BMX: variants seen among roughly 807,000 people sequenced by gnomAD.
The protein encoded by BMX is BMX non-receptor tyrosine kinase, also known as cytoplasmic tyrosine-protein kinase BMX.
In BMX, 31 loss-of-function variants were observed where a neutral mutation model predicts 59.2. That is an observed-to-expected ratio of 0.52 (90% CI 0.39 to 0.71). The LOEUF (loss-of-function observed/expected upper bound fraction) is 0.71. BMX is among the 30% of genes least tolerant of loss of function. The pLI, the probability that BMX is intolerant of heterozygous loss-of-function variation, is 0.00. For missense variants in BMX, 474 were observed against 491.7 expected (o/e 0.96, Z 0.34); for synonymous variants, 185 against 181.0 (o/e 1.02, Z -0.18).
chrX:15,549,065 T>C (rs1451894492), intron 17 of BMX, among the ~76,000 whole-genome samples: 1 of 111,356 alleles, frequency 9.0e-6, no homozygotes, highest in Non-Finnish European at 1.9e-5. Flanking sequence ...GAGAAACTTA[T>C]CCCACCTGTA....
intron 11 of BMX, among the ~76,000 whole-genome samples, chrX:15,533,573 C>A (rs1444952234): frequency 1.8e-5 from 2 of 112,430 alleles, no homozygotes; most frequent in Non-Finnish European, 3.8e-5. Context: ...GGTTCTTGAC[C>A]ACTATGTCAT....
chrX:15,548,398 A>G (rs1293788446), intron 17 of BMX, among the ~76,000 whole-genome samples: 1 of 111,475 alleles, frequency 9.0e-6, no homozygotes, highest in Non-Finnish European at 1.9e-5. Flanking sequence ...CAGAGTTTAC[A>G]GTGAGCTGAG....
chrX:15,521,376 A>T (rs1449991795), intron 6 of BMX, among the ~76,000 whole-genome samples: 1 of 112,141 alleles, frequency 8.9e-6, no homozygotes, highest in Non-Finnish European at 1.9e-5. Flanking sequence ...GTATGTGATT[A>T]TATTTACCGT....
Position 15,522,537 on chromosome X carries a change from T to C in BMX, c.702T>C (p.Tyr234=). Residue 234 remains tyrosine, a synonymous_variant, in exon 7 of 19, where the codon TAT becomes TAC. Coordinates refer to ENST00000348343, the MANE Select transcript of BMX (RefSeq NM_203281.3). ...YGSQPNFNMQ[Y]IPREDFPDWW... ...CCCAGCCAAACTTCAACATGCAGTA[T>C]ATTCCAAGGGAAGACTTCCCTGACT... The C allele has an allele frequency of 1.7e-6, 2 of 1,212,016 alleles. No individual in the cohort carries two copies. The highest frequency in any genetic ancestry group is 2.2e-6 in the Non-Finnish European group (2 of 895,487).
At chrX:15,526,956 C>T (rs1002237250) in intron 9 of BMX, among the ~76,000 whole-genome samples, 11 of 108,860 alleles carry the variant, frequency 1.0e-4, no homozygotes, top group African/African-American at 2.7e-4. Flanking sequence ...AAATTATACC[C>T]GTTAATAATA....
In BMX at chrX:15,537,137, T is replaced by A. The variant is rs201403849; in HGVS notation, c.1226T>A (p.Ile409Asn). Residue 409 changes from isoleucine to asparagine, a missense_variant, in exon 14 of 19, where the codon ATC (isoleucine) becomes AAC (asparagine). Ile to Asn is a moderately radical substitution (Grantham distance 149). Transcript: ENST00000348343. ...AATGTCCGTCTTGCCTTGTTAGGAA[T>A]CTGGGAACTGAAAAGAGAAGAGATT... ...VPDSVSLGNG[I>N]WELKREEITL... The A allele has an allele frequency of 5.0e-6, 6 of 1,209,096 alleles. No individual in the cohort carries two copies. The highest frequency in any genetic ancestry group is 6.7e-6 in the Non-Finnish European group (6 of 894,776).
intron 1 of BMX, among the ~76,000 whole-genome samples, chrX:15,505,267 C>T (rs1054003473): frequency 8.9e-6 from 1 of 112,171 alleles, no homozygotes; most frequent in Non-Finnish European, 1.9e-5. Flanking sequence ...GCAGAAACCA[C>T]ATGGTTTATC....
intron 14 of BMX, 52 bp from the exon 15 acceptor site, chrX:15,541,930 A>G: frequency 9.4e-7 from 1 of 1,066,323 alleles, no homozygotes; most frequent in South Asian, 1.9e-5. Context: ...TTTTCAGTAC[A>G]TGTAGAAAAT....
chrX:15,552,713 A>G (rs1926254764), intron 18 of BMX, among the ~76,000 whole-genome samples: 1 of 112,402 alleles, frequency 8.9e-6, no homozygotes, highest in Admixed American at 9.4e-5. Flanking sequence ...GGTAGGAGCT[A>G]TGGTTTAAGA....
intron 12 of BMX, among the ~76,000 whole-genome samples, chrX:15,535,268 G>A (rs746696680): frequency 4.5e-4 from 50 of 111,874 alleles, no homozygotes; most frequent in African/African-American, 1.2e-3. Flanking sequence ...CCACTTAAGA[G>A]CAGTGGCTGG....
At chrX:15,506,608 G>A (rs1214158898) in intron 1 of BMX, among the ~76,000 whole-genome samples, 9 of 111,992 alleles carry the variant, frequency 8.0e-5, no homozygotes, top group Non-Finnish European at 1.5e-4. Flanking sequence ...ATTCTCTTCC[G>A]GCCACAGACT....
Position 15,511,472 on chromosome X carries a change from A to C in BMX, c.279A>C (p.Ala93=). Reference sequence around the variant, plus strand: ...AAGATGGGCTTCTCTATGTCTATGCATCAAATGAAGAGAGCCGAAGTCAGT... The same window carrying C: ...AAGATGGGCTTCTCTATGTCTATGCCTCAAATGAAGAGAGCCGAAGTCAGT... ...VYKDGLLYVY[A]SNEESRSQWL... The change falls in exon 4 of 19, where the codon GCA becomes GCC. Residue 93 remains alanine (A), a synonymous_variant. Transcript: ENST00000348343. 1 of 1,207,404 alleles carries C rather than the reference A, an allele frequency of 8.3e-7. No homozygotes were observed. The highest frequency in any genetic ancestry group is 1.1e-6 in the Non-Finnish European group (1 of 893,138).
intron 1 of BMX, among the ~76,000 whole-genome samples, chrX:15,503,208 T>C (rs1196190822): frequency 7.1e-5 from 8 of 112,033 alleles, no homozygotes; most frequent in Non-Finnish European, 1.5e-4. Flanking sequence ...CTGCTCCCCT[T>C]CTGTACCACT....
At chrX:15,502,976 A>C (rs939623346) in intron 1 of BMX, among the ~76,000 whole-genome samples, 1 of 111,331 alleles carries the variant, frequency 9.0e-6, no homozygotes, top group African/African-American at 3.3e-5. Context: ...TTATTTTAAC[A>C]TCTTGACACC....
At chrX:15,515,045 A>G (rs762821421) in intron 4 of BMX, among the ~76,000 whole-genome samples, 2 of 110,821 alleles carry the variant, frequency 1.8e-5, no homozygotes, top group East Asian at 5.6e-4. Flanking sequence ...GCAAACTAAC[A>G]CAGGAACAGA....
At position 15,508,470 on chromosome X, in the gene BMX, C is replaced by T. The variant is rs200725402; in HGVS notation, c.117C>T (p.Ser39=). ...RLFVLTKTNL[S]YYEYDKMKRG... ...TTGTTTTGACCAAAACAAACCTTTCCTACTATGAATATGACAAAATGGTGA... is the reference window on the plus strand; with the variant it reads ...TTGTTTTGACCAAAACAAACCTTTCTTACTATGAATATGACAAAATGGTGA... Residue 39 remains serine, a synonymous_variant, in exon 2 of 19, where the codon TCC becomes TCT. Transcript: ENST00000348343. The T allele has an allele frequency of 8.5e-7, 1 of 1,182,291 alleles. No individual in the cohort carries two copies. Among genetic ancestry groups the T allele is most frequent in the African/African-American group, 1.8e-5 (1 of 55,647 alleles).
chrX:15,507,383 G>A (rs1923779981), intron 1 of BMX: 1 of 752,954 alleles, frequency 1.3e-6, no homozygotes, highest in African/African-American at 2.3e-5. Flanking sequence ...GGACCCACAT[G>A]TATACTTCGG....
chrX:15,529,410 T>C (rs1924955519), intron 9 of BMX, among the ~76,000 whole-genome samples: 1 of 111,916 alleles, frequency 8.9e-6, no homozygotes, highest in Admixed American at 9.5e-5. Context: ...CCATGCTACA[T>C]CCCACCTCAT....
chrX:15,556,189 G>A lies in BMX; in HGVS notation c.*42G>A. 2.7e-6 allele frequency: 3 copies of A among 1,104,404 alleles called. No homozygotes were observed. Among genetic ancestry groups the A allele is most frequent in the Non-Finnish European group, 3.6e-6 (3 of 823,671 alleles). The allele number at this position is 1,104,404 out of a possible 1,213,427, so 91.0% of individuals were successfully genotyped here. On this transcript the variant is annotated 3_prime_UTR_variant, in exon 19 of 19. Transcript: ENST00000348343. ...GCTGATAAGAATGAATATAGATGCT[G>A]GCCAGCATTTTCATTCATTTTAAGG...
Sources: gnomAD v4.1 joint callset for allele counts (sites outside exome capture counted in the v4.1 genomes callset) on GRCh38, gnomAD v4.1.1 for gene constraint, MANE v1.5 for transcripts, NCBI Gene and HGNC (gene_info 2026-07-23, HGNC 2026-07-21) for gene names.